The following ATP13A2 variants were observed in gnomAD, a reference collection of about 807,000 sequenced individuals.
ATP13A2 encodes ATPase cation transporting 13A2.
A neutral mutation model predicts 138.3 loss-of-function variants in ATP13A2; 83 were observed. That is an observed-to-expected ratio of 0.60 (90% CI 0.50 to 0.72). The LOEUF (loss-of-function observed/expected upper bound fraction) is 0.72, where lower values mean the gene tolerates loss of function less well. Ranked by LOEUF, ATP13A2 falls within the 30% of genes least tolerant of loss-of-function variation. The pLI, the probability that ATP13A2 is intolerant of heterozygous loss-of-function variation, is 0.00. For synonymous variants in ATP13A2, 663 were observed against 699.0 expected, an observed-to-expected ratio of 0.95 and a Z score of 0.81; for missense variants, 1,402 against 1,606.4, an observed-to-expected ratio of 0.87 and a Z score of 2.17.
At chr1:16,994,959 G>A (rs1467872928) in intron 15 of ATP13A2, among the ~76,000 whole-genome samples, 1 of 152,032 alleles carries the variant, frequency 6.6e-6, no homozygotes, top group Non-Finnish European at 1.5e-5. Context: ...ACTGCGCTGG[G>A]CCCCCTCCCC....
At chr1:16,989,486 C>T (rs1349247909) in intron 23 of ATP13A2, among the ~76,000 whole-genome samples, 1 of 152,236 alleles carries the variant, frequency 6.6e-6, no homozygotes, top group Non-Finnish European at 1.5e-5. Context: ...GGTGGGATTA[C>T]AGGAATGAGC....
Position 16,986,752 on chromosome 1 carries a change from C to G in ATP13A2, c.3235+53G>C, listed in dbSNP as rs2076742830. 1 of 905,628 alleles carries G rather than the reference C, an allele frequency of 1.1e-6. No homozygotes were observed. The highest frequency in any genetic ancestry group is 1.9e-5 in the African/African-American group (1 of 53,002). 56.1% of individuals were successfully genotyped at this position (905,628 alleles called of 1,614,324 possible). A position where few individuals can be genotyped will look rare whatever the true frequency, so the allele number is the denominator to read the frequency against. ...TCTCCCATCTGCCTCCCCAGCACCC[C>G]AGGGCTCCTCCCTCCCTCCGCCAGC... On this transcript the variant is annotated intron_variant, in intron 27 of 28. Coordinates refer to ENST00000326735, the MANE Select transcript of ATP13A2 (RefSeq NM_022089.4). This position sits in a 1 kb window ranked among gnomAD's most constrained non-coding sequence, Gnocchi z 6.9.
chr1:16,995,954 C>G lies in ATP13A2; in HGVS notation c.1542+22G>C, dbSNP rs2077104367. 1 of 1,613,576 alleles carries G rather than the reference C, an allele frequency of 6.2e-7. No homozygotes were observed. Among genetic ancestry groups the G allele is most frequent in the Non-Finnish European group, 8.5e-7 (1 of 1,179,984 alleles). On this transcript the variant is annotated intron_variant, in intron 15 of 28. Coordinates refer to ENST00000326735, the MANE Select transcript of ATP13A2 (RefSeq NM_022089.4). This position sits in a 1 kb window ranked among gnomAD's most constrained non-coding sequence, Gnocchi z 4.1. ...CCTGTGGCTGTCCCGCTCCCCTGCA[C>G]CAACCCCACCTGCGGCCCCACCTTG...
At chr1:16,989,662 C>T (rs1166573246) in intron 23 of ATP13A2, 29 bp downstream of exon 23, 2 of 1,612,882 alleles carry the variant, frequency 1.2e-6, no homozygotes, top group Non-Finnish European at 1.7e-6. Context: ...TCCGCAGGCC[C>T]TTGCCCACAC....
In ATP13A2 at chr1:16,997,084, C is replaced by T. The variant is rs571446983; in HGVS notation, c.1131G>A (p.Gly377=). The T allele has an allele frequency of 9.3e-6, 15 of 1,613,612 alleles. No individual in the cohort carries two copies. In the African/African-American group the frequency reaches 1.6e-4, roughly 17 times the overall value. Residue 377 remains glycine (G), a synonymous_variant, in exon 12 of 29, where the codon GGG becomes GGA. Transcript: ENST00000326735. ...AGGCCCGGGCCTGCAAGATGAGGGT[C>T]CCGCAGAAGAGTGTGTGCCGCCGGT... ...ETHRRHTLFC[G]TLILQARAYV... is the part of the protein sequence containing the mutation.
chr1:17,005,870 C>T (rs2077539609), intron 1 of ATP13A2, 92 bp from the exon 2 acceptor site: 1 of 1,271,332 alleles, frequency 7.9e-7, no homozygotes, highest in Admixed American at 2.0e-5. Context: ...CGCGGTGGCT[C>T]ACGCCTGTAA....
chr1:16,994,197 C>CTCTCTCTCTCATTT (rs762110883), intron 15 of ATP13A2, among the ~76,000 whole-genome samples: 27,283 of 146,672 alleles, frequency 0.19, 3,001 homozygotes, highest in East Asian at 0.53. Context: ...CTCTCTCTCT[C>CTCTCTCTCTCATTT]ATTTATTTAT....
intron 8 of ATP13A2, among the ~76,000 whole-genome samples, chr1:17,001,041 T>G (rs2077334958): frequency 6.6e-6 from 1 of 152,082 alleles, no homozygotes; most frequent in Non-Finnish European, 1.5e-5. Flanking sequence ...GCAATGACAA[T>G]TCTACAAGGC....
In ATP13A2 at chr1:16,993,721, G is replaced by A. The variant is rs1264582344; in HGVS notation, c.1657C>T (p.Arg553Ter). 3.8e-6 allele frequency: 6 copies of A among 1,593,676 alleles called. No homozygotes were observed. The highest frequency in any genetic ancestry group is 1.1e-5 in the South Asian group (1 of 88,010). The change falls in exon 16 of 29, where the codon CGA becomes TGA. Residue 553 changes from arginine (R) to a stop codon, truncating the protein, a stop_gained. Transcript: ENST00000326735. LOFTEE classifies it high-confidence loss of function. The stretch of plus-strand genomic sequence containing the variant: ...AGGGCATGGCAGGTGGCCAGTGCTC[G>A]GAGCAGGGGCCCCACAGGCAGGCGG... ...PRRLPVGPLL[R>*]ALATCHALSR...
At chr1:17,008,957 CAA>C (rs59927720) in intron 1 of ATP13A2, among the ~76,000 whole-genome samples, 110 of 111,626 alleles carry the variant, frequency 9.9e-4, no homozygotes, top group Admixed American at 2.5e-3. Flanking sequence ...GAGCAAGACT[CAA>C]AAAAAAAAAA....
In ATP13A2 at chr1:17,005,793, G is replaced by C; in HGVS notation, c.11-15C>G. The stretch of plus-strand genomic sequence containing the variant: ...AGGGCTGCTGTCTGTGGACAGAAAA[G>C]AGAAAGGTCATTTGGGGAGGCACCT... On this transcript the variant is annotated splice_polypyrimidine_tract_variant and intron_variant, in intron 1 of 28. Transcript: ENST00000326735. 7.5e-6 allele frequency: 12 copies of C among 1,600,464 alleles called. No individual in the cohort carries two copies. Among genetic ancestry groups the C allele is most frequent in the Non-Finnish European group, 1.0e-5 (12 of 1,173,194 alleles).
At chr1:16,990,622 A>G (rs1009179129) in intron 20 of ATP13A2, among the ~76,000 whole-genome samples, 2 of 151,516 alleles carry the variant, frequency 1.3e-5, no homozygotes, top group African/African-American at 4.9e-5. Context: ...GGGCTCAAGC[A>G]ATTCTCCTGC....
Position 17,001,887 on chromosome 1 carries a change from C to A in ATP13A2, c.705+147G>T, listed in dbSNP as rs1024955551. The A allele has an allele frequency of 1.1e-5, 9 of 815,608 alleles. No homozygotes were observed. The African/African-American group carries it at 1.4e-4, about 13-fold the overall frequency. 50.5% of individuals were successfully genotyped at this position (815,608 alleles called of 1,614,324 possible). A position where few individuals can be genotyped will look rare whatever the true frequency, so the allele number is the denominator to read the frequency against. On this transcript the variant is annotated intron_variant, in intron 8 of 28. Coordinates refer to ENST00000326735, the MANE Select transcript of ATP13A2 (RefSeq NM_022089.4). Reference sequence around the variant, plus strand: ...CTGGTCTCTCTGGCTAGGCTGACTGCGGCAGGTTCTGAGATGACGATCCAC... The same window carrying A: ...CTGGTCTCTCTGGCTAGGCTGACTGAGGCAGGTTCTGAGATGACGATCCAC...
chr1:17,009,242 A>C lies in ATP13A2; in HGVS notation c.10+2487T>G, dbSNP rs544714452. ...GGCTCAGATGGGTGTCACTGCCCTT[A>C]CTGCTCACAGTACCTGCCATGTGCT... On this transcript the variant is annotated intron_variant, in intron 1 of 28. Coordinates refer to ENST00000326735, the MANE Select transcript of ATP13A2 (RefSeq NM_022089.4). Among the ~76,000 whole-genome samples, 170 of 152,128 alleles carry C rather than the reference A, an allele frequency of 1.1e-3. 1 individual carries two copies. Among genetic ancestry groups the C allele is most frequent in the African/African-American group, 3.9e-3 (162 of 41,508 alleles).
intron 23 of ATP13A2, 24 bp downstream of exon 23, chr1:16,989,667 C>T: frequency 6.2e-7 from 1 of 1,613,368 alleles, no homozygotes; most frequent in Non-Finnish European, 8.5e-7. Flanking sequence ...AGGCCCTTGC[C>T]CACACCCTCT....
At position 16,999,375 on chromosome 1, in the gene ATP13A2, C is replaced by T. The variant is rs534954816; in HGVS notation, c.1039+636G>A. 1.3e-3 allele frequency among the ~76,000 whole-genome samples: 109 copies of T among 85,814 alleles called. 5 individuals carry two copies. In the South Asian group the frequency reaches 0.05, roughly 40 times the overall value. The allele number at this position is 85,814 out of a possible 152,430, so 56.3% of individuals were successfully genotyped here. A position where few individuals can be genotyped will look rare whatever the true frequency, so the allele number is the denominator to read the frequency against. On this transcript the variant is annotated intron_variant, in intron 11 of 28. Transcript: ENST00000326735. The stretch of plus-strand genomic sequence containing the variant: ...AGCCGGGGCAACAAGAGTGAAACTC[C>T]ATCTCAAAAAAAAAAAAAAAAAAAA...
In ATP13A2 at chr1:17,000,605, T is replaced by C. The variant is rs1232830691; in HGVS notation, c.706-71A>G. The C allele has an allele frequency of 5.1e-6, 8 of 1,571,634 alleles. No homozygotes were observed. In the African/African-American group the frequency reaches 5.4e-5, roughly 11 times the overall value. ...CAGCCCAGCCACAGGCTGGGTCTCC[T>C]GTGCCCATGGGAGCAGAGGGCCCAG... On this transcript the variant is annotated intron_variant, in intron 8 of 28. Coordinates refer to ENST00000326735, the MANE Select transcript of ATP13A2 (RefSeq NM_022089.4).
At position 16,989,603 on chromosome 1, in the gene ATP13A2, C is replaced by T. The variant is rs530094467; in HGVS notation, c.2609+88G>A. The stretch of plus-strand genomic sequence containing the variant: ...GCTCTCTGGTGCCTGAGGAGGGAGA[C>T]AGGGCCCTGGGGAAGGACAGATGAA... On this transcript the variant is annotated intron_variant, in intron 23 of 28. Transcript: ENST00000326735. 8.1e-6 allele frequency: 11 copies of T among 1,363,044 alleles called. No individual in the cohort carries two copies. The African/African-American group carries it at 8.5e-5, about 11-fold the overall frequency. The allele number at this position is 1,363,044 out of a possible 1,614,324, so 84.4% of individuals were successfully genotyped here.
rs753237790 is a variant in ATP13A2 at position 16,991,750 on chromosome 1, G to A, written c.2235C>T (p.Arg745=). The A allele has an allele frequency of 1.5e-5, 24 of 1,614,012 alleles. No individual in the cohort carries two copies. Among genetic ancestry groups the A allele is most frequent in the South Asian group, 4.4e-5 (4 of 91,092 alleles). The change falls in exon 20 of 29, where the codon CGC becomes CGT. Residue 745 remains arginine, a synonymous_variant. Transcript: ENST00000326735. ...VIQALRRTRI[R]AVMVTGDNLQ... ...CCATTGTACCTGTCACCATGACGGC[G>A]CGGATGCGGGTCCTTCGCAGAGCCT...
Sources: allele counts gnomAD v4.1 joint callset (sites outside exome capture counted in the v4.1 genomes callset), GRCh38; gene constraint gnomAD v4.1.1; non-coding constraint Gnocchi (gnomAD v3.1); transcripts MANE v1.5; gene names NCBI Gene and HGNC (gene_info 2026-07-23, HGNC 2026-07-21).